Variants in RPL11 observed in about 807,000 individuals in gnomAD.
RPL11 encodes the protein ribosomal protein L11.
A neutral mutation model predicts 24.1 loss-of-function variants in RPL11; 3 were observed. That is an observed-to-expected ratio of 0.12 (90% CI 0.06 to 0.32). The LOEUF (loss-of-function observed/expected upper bound fraction) is 0.32. Ranked by LOEUF, RPL11 falls within the 10% of genes least tolerant of loss-of-function variation. The pLI is 1.00. For synonymous variants in RPL11, 96 were observed against 75.7 expected, an observed-to-expected ratio of 1.27 and a Z score of -1.39; for missense variants, 146 against 225.7, an observed-to-expected ratio of 0.65 and a Z score of 2.26.
In RPL11 at chr1:23,691,829, G is replaced by C; in HGVS notation, c.6G>C (p.Ala2=). 6.2e-7 allele frequency: 1 copy of C among 1,614,252 alleles called. No individual in the cohort carries two copies. Among genetic ancestry groups the C allele is most frequent in the Non-Finnish European group, 8.5e-7 (1 of 1,180,044 alleles). The change falls in exon 1 of 6, where the codon GCG becomes GCC. Residue 2 remains alanine, a splice_region_variant and synonymous_variant. Transcript: ENST00000643754. M[A]QDQGEKENPM... is the part of the protein sequence containing the mutation. The stretch of plus-strand genomic sequence containing the variant: ...TTCTCTTCCTGCTCTCCATCATGGC[G>C]GTGAGTAGCTGGGACCTGGATTTGC...
upstream of RPL11, chr1:23,691,789 G>A: frequency 6.2e-7 from 1 of 1,614,182 alleles, no homozygotes; most frequent in South Asian, 1.1e-5. Flanking sequence ...AAGGCCCTCG[G>A]CCGGAAGCTC....
intron 4 of RPL11, chr1:23,695,086 C>A (rs1039038309): frequency 2.3e-6 from 1 of 441,226 alleles, no homozygotes; most frequent in African/African-American, 2.0e-5. Context: ...TGATTTGAAA[C>A]TTTGGAGAGA....
rs1319854343 is a variant in RPL11, at chr1:23,694,964, A to G, written c.396+173A>G. 1.2e-5 allele frequency: 11 copies of G among 955,542 alleles called. No homozygotes were observed. The Admixed American group carries it at 2.2e-4, about 19-fold the overall frequency. 59.2% of individuals were successfully genotyped at this position (955,542 alleles called of 1,614,324 possible). On this transcript the variant is annotated intron_variant, in intron 4 of 5. Coordinates refer to ENST00000643754, the MANE Select transcript of RPL11 (RefSeq NM_000975.5). ...TCATTTGTGGCAAATGTAGGGGTGC[A>G]GCTCTGAACAAGGTGGACAAGATCC...
rs544011285 is a variant in RPL11, at chr1:23,692,573, T to C, written c.7-36T>C. Reference sequence around the variant, plus strand: ...AGTAGTAAAACTCAGGGCCCTCAGCTGTGAGTGTATTGACTGCTGCTCTTC... The same window carrying C: ...AGTAGTAAAACTCAGGGCCCTCAGCCGTGAGTGTATTGACTGCTGCTCTTC... On this transcript the variant is annotated intron_variant, in intron 1 of 5. Coordinates refer to ENST00000643754, the MANE Select transcript of RPL11 (RefSeq NM_000975.5). The C allele has an allele frequency of 3.2e-5, 52 of 1,613,828 alleles. No homozygotes were observed. The South Asian group carries it at 5.2e-4, about 16-fold the overall frequency.
chr1:23,695,414 G>A (rs1644527389), intron 4 of RPL11: 1 of 298,780 alleles, frequency 3.3e-6, no homozygotes, highest in Admixed American at 4.7e-5. Context: ...TTGAGCTGAA[G>A]CAGAAGGAAG....
chr1:23,693,798 T>C lies in RPL11; in HGVS notation c.158-9T>C, dbSNP rs1348134719. On this transcript the variant is annotated splice_polypyrimidine_tract_variant and intron_variant, in intron 2 of 5. Transcript: ENST00000643754. Reference sequence around the variant, plus strand: ...TGGCATCTGACTCCTTGTTACCCACTTCCTGCAGCTAGATACACTGTCAGA... The same window carrying C: ...TGGCATCTGACTCCTTGTTACCCACCTCCTGCAGCTAGATACACTGTCAGA... The C allele has an allele frequency of 1.2e-6, 2 of 1,610,826 alleles. No individual in the cohort carries two copies. The highest frequency in any genetic ancestry group is 2.2e-5 in the South Asian group (2 of 91,014).
chr1:23,693,948 A>G, intron 3 of RPL11, 35 bp downstream of exon 3: 1 of 1,442,010 alleles, frequency 6.9e-7, no homozygotes, highest in Non-Finnish European at 9.8e-7. Context: ...GATATTGATC[A>G]GCACTCCTTT....
rs779402336 is a variant in RPL11 at position 23,696,421 on chromosome 1, T to G, written c.*48T>G. The G allele has an allele frequency of 6.4e-7, 1 of 1,571,778 alleles. No individual in the cohort carries two copies. The highest frequency in any genetic ancestry group is 2.2e-5 in the East Asian group (1 of 44,662). On this transcript the variant is annotated 3_prime_UTR_variant, in exon 6 of 6. Coordinates refer to ENST00000643754, the MANE Select transcript of RPL11 (RefSeq NM_000975.5). Reference sequence around the variant, plus strand: ...GCAATAAAAAGTTTTCAGTGAAATGTGCAATTCTGTTGTGTGTTCTGTGAA... The same window carrying G: ...GCAATAAAAAGTTTTCAGTGAAATGGGCAATTCTGTTGTGTGTTCTGTGAA...
At chr1:23,695,634 T>A in intron 4 of RPL11, 164 bp from the exon 5 acceptor site, 1 of 701,936 alleles carries the variant, frequency 1.4e-6, no homozygotes. Context: ...GTGTGTTGCG[T>A]GGGATGCTGG....
Position 23,696,633 on chromosome 1 carries a change from C to G in RPL11, c.*260C>G. Reference sequence around the variant, plus strand: ...GTTGATGTGCTGTGGTGCAGTAGCCCCATTTGGAGGGGAGGGTTTGGTTGA... The same window carrying G: ...GTTGATGTGCTGTGGTGCAGTAGCCGCATTTGGAGGGGAGGGTTTGGTTGA... On this transcript the variant is annotated 3_prime_UTR_variant, in exon 6 of 6. Coordinates refer to ENST00000643754, the MANE Select transcript of RPL11 (RefSeq NM_000975.5). The G allele has an allele frequency of 1.8e-6, 1 of 567,698 alleles. No homozygotes were observed. Among genetic ancestry groups the G allele is most frequent in the Non-Finnish European group, 3.1e-6 (1 of 317,854 alleles). 35.2% of individuals were successfully genotyped at this position (567,698 alleles called of 1,614,324 possible).
At chr1:23,694,514 G>A in intron 3 of RPL11, 146 bp from the exon 4 acceptor site, 1 of 1,032,532 alleles carries the variant, frequency 9.7e-7, no homozygotes, top group Non-Finnish European at 1.5e-6. Context: ...GGTATAGTGA[G>A]GAAGTCAGGT....
At chr1:23,695,942 A>G (rs779487276) in intron 5 of RPL11, 34 bp downstream of exon 5, 5 of 1,546,900 alleles carry the variant, frequency 3.2e-6, no homozygotes, top group South Asian at 1.2e-5. Context: ...AAGTGGTGGA[A>G]TGTGATGTTG....
At position 23,693,874 on chromosome 1, in the gene RPL11, A is replaced by T. The variant is rs1348324736; in HGVS notation, c.225A>T (p.Arg75=). Residue 75 remains arginine, a synonymous_variant, in exon 3 of 6, where the codon CGA becomes CGT. Transcript: ENST00000643754. Reference sequence around the variant, plus strand: ...AGATTGCTGTCCACTGCACAGTTCGAGGGGCCAAGGCAGAAGAAATCTTGG... The same window carrying T: ...AGATTGCTGTCCACTGCACAGTTCGTGGGGCCAAGGCAGAAGAAATCTTGG... ...NEKIAVHCTV[R]GAKAEEILEK... 1 of 1,614,136 alleles carries T rather than the reference A, an allele frequency of 6.2e-7. No homozygotes were observed. The highest frequency in any genetic ancestry group is 1.7e-5 in the Admixed American group (1 of 60,020).
chr1:23,694,959 G>A (rs1287760087), intron 4 of RPL11, 168 bp downstream of exon 4: 2 of 1,024,828 alleles, frequency 2.0e-6, no homozygotes, highest in Non-Finnish European at 3.0e-6. Flanking sequence ...CAAATGTAGG[G>A]GTGCAGCTCT....
At chr1:23,695,608 A>G in intron 4 of RPL11, 190 bp from the exon 5 acceptor site, 1 of 640,496 alleles carries the variant, frequency 1.6e-6, no homozygotes, top group Admixed American at 2.3e-5. Context: ...CTCCAAAGCA[A>G]ACTTACAGTA....
Position 23,696,433 on chromosome 1 carries a change from G to T in RPL11, c.*60G>T. Reference sequence around the variant, plus strand: ...TTTCAGTGAAATGTGCAATTCTGTTGTGTGTTCTGTGAAAGGATCCTGGCC... The same window carrying T: ...TTTCAGTGAAATGTGCAATTCTGTTTTGTGTTCTGTGAAAGGATCCTGGCC... On this transcript the variant is annotated 3_prime_UTR_variant, in exon 6 of 6. Coordinates refer to ENST00000643754, the MANE Select transcript of RPL11 (RefSeq NM_000975.5). 2 of 1,537,576 alleles carry T rather than the reference G, an allele frequency of 1.3e-6. No homozygotes were observed. The highest frequency in any genetic ancestry group is 2.2e-5 in the South Asian group (2 of 89,130).
intron 4 of RPL11, 47 bp from the exon 5 acceptor site, chr1:23,695,751 T>A: frequency 6.6e-7 from 1 of 1,518,748 alleles, no homozygotes. Context: ...GTCCATCTGC[T>A]CTTGACTCTG....
upstream of RPL11, chr1:23,691,799 C>G (rs375164888): frequency 6.2e-7 from 1 of 1,614,140 alleles, no homozygotes; most frequent in African/African-American, 1.3e-5. Flanking sequence ...GCCGGAAGCT[C>G]CGCTTTCTCT....
At position 23,694,742 on chromosome 1, in the gene RPL11, G is replaced by T; in HGVS notation, c.347G>T (p.Gly116Val). The change falls in exon 4 of 6, where the codon GGT becomes GTT. Residue 116 changes from glycine (G) to valine (V), a missense_variant. Physicochemically the swap from Gly to Val is moderately radical, Grantham distance 109. Coordinates refer to ENST00000643754, the MANE Select transcript of RPL11 (RefSeq NM_000975.5). The part of the protein sequence containing the change: ...GFGIQEHIDL[G>V]IKYDPSIGIY... Reference sequence around the variant, plus strand: ...GGGATCCAGGAACACATCGATCTGGGTATCAAATATGACCCAAGCATTGGT... The same window carrying T: ...GGGATCCAGGAACACATCGATCTGGTTATCAAATATGACCCAAGCATTGGT... 6.2e-7 allele frequency: 1 copy of T among 1,614,164 alleles called. No individual in the cohort carries two copies. The highest frequency in any genetic ancestry group is 8.5e-7 in the Non-Finnish European group (1 of 1,180,038).
Sources: allele counts gnomAD v4.1 joint callset, GRCh38; gene constraint gnomAD v4.1.1; transcripts MANE v1.5; gene names NCBI Gene and HGNC (gene_info 2026-07-23, HGNC 2026-07-21).